The following OR4K2 variants were observed in gnomAD, a reference collection of about 807,000 sequenced individuals.
The protein encoded by OR4K2 is olfactory receptor 4K2.
OR4K2 carries 8 observed loss-of-function variants against 10.5 expected under a neutral mutation model. That is an observed-to-expected ratio of 0.76 (90% CI 0.45 to 1.37). OR4K2 has a LOEUF of 1.37. Ranked by LOEUF, OR4K2 falls within the 40% of genes most tolerant of loss-of-function variation. OR4K2 has a pLI of 0.00. For synonymous variants in OR4K2, 178 were observed against 133.6 expected (o/e 1.33, Z -2.29); for missense variants, 547 against 379.5 (o/e 1.44, Z -3.67).
rs1881003183 is a variant in OR4K2 at position 19,880,161 on chromosome 14, TTTG to T, written c.*2950_*2952del. ...CAATGTGGCCCAGAGAAGCCAAAAC[TTTG>T]GACACCCCTGCATTAAAAGGCTCTG... On this transcript the variant is annotated 3_prime_UTR_variant, in exon 2 of 2. Transcript: ENST00000641885. The T allele has an allele frequency of 6.5e-6, 1 of 153,060 alleles. No homozygotes were observed. 9.5% of individuals were successfully genotyped at this position (153,060 alleles called of 1,614,324 possible). A position where few individuals can be genotyped will look rare whatever the true frequency, so the allele number is the denominator to read the frequency against.
rs1488588422 is a variant in OR4K2 at position 19,883,560 on chromosome 14, C to T, written c.*6348C>T. 1 of 152,208 alleles carries T rather than the reference C, an allele frequency of 6.6e-6. No homozygotes were observed. Among genetic ancestry groups the T allele is most frequent in the Admixed American group, 6.5e-5 (1 of 15,274 alleles). The allele number at this position is 152,208 out of a possible 1,614,324, so 9.4% of individuals were successfully genotyped here. On this transcript the variant is annotated 3_prime_UTR_variant, in exon 2 of 2. Coordinates refer to ENST00000641885, the MANE Select transcript of OR4K2 (RefSeq NM_001005501.2). ...ATACCATATAATTAGAAGTTTGGAA[C>T]TGATCTTTTAATTTTTGGAGGGAGG...
In OR4K2 at chr14:19,875,332, T is replaced by G. The variant is rs1880866291; in HGVS notation, c.-826T>G. ...ACAAATGAGTTCTACTGAAATATTT[T>G]AAATGTTTGCCCTTCCCACTCCCAT... On this transcript the variant is annotated 5_prime_UTR_variant, in exon 1 of 2. It removes the in-frame stop codon of an upstream open reading frame in the 5' UTR. Coordinates refer to ENST00000641885, the MANE Select transcript of OR4K2 (RefSeq NM_001005501.2). The G allele has an allele frequency of 6.6e-6, 1 of 152,308 alleles. No homozygotes were observed. The highest frequency in any genetic ancestry group is 2.1e-4 in the South Asian group (1 of 4,836). The allele number at this position is 152,308 out of a possible 1,614,324, so 9.4% of individuals were successfully genotyped here.
chr14:19,876,213 C>CATTTT, intron 1 of OR4K2, 32 bp from the exon 2 acceptor site: 1 of 1,005,002 alleles, frequency 1.0e-6, no homozygotes, highest in Non-Finnish European at 1.4e-6. Flanking sequence ...ATCTGACTTT[C>CATTTT]CTTTTTTTTT....
chr14:19,883,507 G>A lies in OR4K2; in HGVS notation c.*6295G>A, dbSNP rs1002386860. ...AAGCACTTTGTCTGGAGTCTGCAAA[G>A]CCTGTATTTTTCTTCACTCACCCTA... On this transcript the variant is annotated 3_prime_UTR_variant, in exon 2 of 2. Coordinates refer to ENST00000641885, the MANE Select transcript of OR4K2 (RefSeq NM_001005501.2). 9.2e-5 allele frequency: 14 copies of A among 152,212 alleles called. No homozygotes were observed. Among genetic ancestry groups the A allele is most frequent in the African/African-American group, 3.1e-4 (13 of 41,450 alleles). The allele number at this position is 152,212 out of a possible 1,614,324, so 9.4% of individuals were successfully genotyped here.
rs1284401775 is a variant in OR4K2, at chr14:19,875,676, T to C, written c.-482T>C. 1 of 152,438 alleles carries C rather than the reference T, an allele frequency of 6.6e-6. No individual in the cohort carries two copies. Among genetic ancestry groups the C allele is most frequent in the Non-Finnish European group, 1.5e-5 (1 of 68,196 alleles). 9.4% of individuals were successfully genotyped at this position (152,438 alleles called of 1,614,324 possible). ...CAGCAAAACTAACTTTCTATGTATT[T>C]CTTTTGAGTTTCAAACAGGAAACTT... is the stretch of plus-strand genomic sequence containing the variant. On this transcript the variant is annotated 5_prime_UTR_variant, in exon 1 of 2. Coordinates refer to ENST00000641885, the MANE Select transcript of OR4K2 (RefSeq NM_001005501.2).
rs536265419 is a variant in OR4K2 at position 19,882,064 on chromosome 14, G to C, written c.*4852G>C. On this transcript the variant is annotated 3_prime_UTR_variant, in exon 2 of 2. Transcript: ENST00000641885. ...CTGCAACTGGAGCTATTGTGTTCCAGAGCACATTACCCCAGTAATGTGATG... is the reference window on the plus strand; with the variant it reads ...CTGCAACTGGAGCTATTGTGTTCCACAGCACATTACCCCAGTAATGTGATG... 6.6e-6 allele frequency: 1 copy of C among 152,388 alleles called. No individual in the cohort carries two copies. Among genetic ancestry groups the C allele is most frequent in the East Asian group, 1.9e-4 (1 of 5,180 alleles). The allele number at this position is 152,388 out of a possible 1,614,324, so 9.4% of individuals were successfully genotyped here. A position where few individuals can be genotyped will look rare whatever the true frequency, so the allele number is the denominator to read the frequency against.
At position 19,878,947 on chromosome 14, in the gene OR4K2, A is replaced by G. The variant is rs1340216272; in HGVS notation, c.*1735A>G. The stretch of plus-strand genomic sequence containing the variant: ...TGACATATTTCTTTGTCCAGGGAAT[A>G]TTTTCAAAACTGTGCTGCTTTTTGC... On this transcript the variant is annotated 3_prime_UTR_variant, in exon 2 of 2. Coordinates refer to ENST00000641885, the MANE Select transcript of OR4K2 (RefSeq NM_001005501.2). 1.3e-5 allele frequency: 2 copies of G among 152,236 alleles called. No homozygotes were observed. Among genetic ancestry groups the G allele is most frequent in the East Asian group, 1.9e-4 (1 of 5,206 alleles). 9.4% of individuals were successfully genotyped at this position (152,236 alleles called of 1,614,324 possible).
In OR4K2 at chr14:19,876,735, A is replaced by G; in HGVS notation, c.468A>G (p.Ser156=). 1 of 1,614,144 alleles carries G rather than the reference A, an allele frequency of 6.2e-7. No homozygotes were observed. The highest frequency in any genetic ancestry group is 8.5e-7 in the Non-Finnish European group (1 of 1,179,992). Residue 156 remains serine (S), a synonymous_variant, in exon 2 of 2, where the codon TCA becomes TCG. Transcript: ENST00000641885. ...CCTGGATTATGGGAGTTATGCATTCAATGAGTCAGGTCATATTTGCCCTCA... is the reference window on the plus strand; with the variant it reads ...CCTGGATTATGGGAGTTATGCATTCGATGAGTCAGGTCATATTTGCCCTCA... ...VASWIMGVMH[S]MSQVIFALTL... is the part of the protein sequence containing the mutation.
chr14:19,876,809 T>G lies in OR4K2; in HGVS notation c.542T>G (p.Leu181Arg). ...GAGGTAGACAGCTTTTTCTGTGACC[T>G]TCCTGTGGTGTTCCAGTTGGCTTGT... is the stretch of plus-strand genomic sequence containing the variant. ...PYEVDSFFCD[L>R]PVVFQLACVD... is the part of the protein sequence containing the mutation. The change falls in exon 2 of 2, where the codon CTT becomes CGT. Residue 181 changes from leucine (L) to arginine (R), a missense_variant. Physicochemically the swap from Leu to Arg is moderately radical, Grantham distance 102. Transcript: ENST00000641885. 6.2e-7 allele frequency: 1 copy of G among 1,614,254 alleles called. No individual in the cohort carries two copies. Among genetic ancestry groups the G allele is most frequent in the South Asian group, 1.1e-5 (1 of 91,090 alleles).
At position 19,879,571 on chromosome 14, in the gene OR4K2, G is replaced by C. The variant is rs539573395; in HGVS notation, c.*2359G>C. ...ATTTATAAGAAGAGTGTGTTGACAAGCAACTTCATCTTCCTCTACGTGTTT... is the reference window on the plus strand; with the variant it reads ...ATTTATAAGAAGAGTGTGTTGACAACCAACTTCATCTTCCTCTACGTGTTT... On this transcript the variant is annotated 3_prime_UTR_variant, in exon 2 of 2. Coordinates refer to ENST00000641885, the MANE Select transcript of OR4K2 (RefSeq NM_001005501.2). 5.3e-5 allele frequency: 8 copies of C among 152,378 alleles called. No homozygotes were observed. The South Asian group carries it at 6.2e-4, about 12-fold the overall frequency. 9.4% of individuals were successfully genotyped at this position (152,378 alleles called of 1,614,324 possible). A position where few individuals can be genotyped will look rare whatever the true frequency, so the allele number is the denominator to read the frequency against.
rs573717735 is a variant in OR4K2 at position 19,878,172 on chromosome 14, T to C, written c.*960T>C. ...ACACAAATAGGTTTTATTACTGTTA[T>C]AAATAAATCTGGTAGGTTCAATATT... On this transcript the variant is annotated 3_prime_UTR_variant, in exon 2 of 2. Transcript: ENST00000641885. The C allele has an allele frequency of 2.0e-5, 3 of 152,248 alleles. No individual in the cohort carries two copies. The highest frequency in any genetic ancestry group is 1.9e-4 in the East Asian group (1 of 5,206). 9.4% of individuals were successfully genotyped at this position (152,248 alleles called of 1,614,324 possible).
Position 19,876,357 on chromosome 14 carries a change from G to T in OR4K2, c.90G>T (p.Val30=), listed in dbSNP as rs762201675. ...AACTACAGATGTTTTTCTTTATGGTGTTTTCATTGCTTTATGTGGCAACAA... is the reference window on the plus strand; with the variant it reads ...AACTACAGATGTTTTTCTTTATGGTTTTTTCATTGCTTTATGTGGCAACAA... ...SWELQMFFFM[V]FSLLYVATMV... Residue 30 remains valine, a synonymous_variant, in exon 2 of 2, where the codon GTG becomes GTT. Transcript: ENST00000641885. 6.2e-7 allele frequency: 1 copy of T among 1,613,698 alleles called. No homozygotes were observed. The highest frequency in any genetic ancestry group is 8.5e-7 in the Non-Finnish European group (1 of 1,179,858).
chr14:19,876,550 G>C lies in OR4K2; in HGVS notation c.283G>C (p.Asp95His), dbSNP rs757789974. The change falls in exon 2 of 2, where the codon GAT becomes CAT. Residue 95 changes from aspartate (D) to histidine (H), a missense_variant. Asp to His is a moderately conservative substitution (Grantham distance 81). Transcript: ENST00000641885. ...AACAGGTCACAAAACCATCTCTTTT[G>C]ATGGCTGCCTTACCCAGATATTCTT... Reference protein sequence around the residue: ...YLTGHKTISFDGCLTQIFFLH... With the variant: ...YLTGHKTISFHGCLTQIFFLH... The C allele has an allele frequency of 5.0e-6, 8 of 1,614,046 alleles. No individual in the cohort carries two copies. The African/African-American group carries it at 9.3e-5, about 19-fold the overall frequency.
In OR4K2 at chr14:19,876,958, A is replaced by G; in HGVS notation, c.691A>G (p.Arg231Gly). ...VLVTVKHHSS[R>G]GSSKALSTCT... Reference sequence around the variant, plus strand: ...GGTTACTGTGAAGCATCATTCTTCCAGAGGATCATCTAAGGCCCTTTCTAC... The same window carrying G: ...GGTTACTGTGAAGCATCATTCTTCCGGAGGATCATCTAAGGCCCTTTCTAC... The change falls in exon 2 of 2, where the codon AGA (arginine) becomes GGA (glycine). Residue 231 changes from arginine to glycine, a missense_variant. Arg to Gly is a moderately radical substitution (Grantham distance 125). Transcript: ENST00000641885. 6 of 1,614,074 alleles carry G rather than the reference A, an allele frequency of 3.7e-6. No individual in the cohort carries two copies. The highest frequency in any genetic ancestry group is 5.1e-6 in the Non-Finnish European group (6 of 1,179,986).
At position 19,875,577 on chromosome 14, in the gene OR4K2, A is replaced by C. The variant is rs1736871997; in HGVS notation, c.-581A>C. On this transcript the variant is annotated 5_prime_UTR_variant, in exon 1 of 2. Transcript: ENST00000641885. ...GTCATATTTTAATTAAAAAGAAAGG[A>C]CCAAAAGAAGTTAAATGCCTTTCCT... The C allele has an allele frequency of 2.0e-5, 3 of 152,264 alleles. No homozygotes were observed. The allele number at this position is 152,264 out of a possible 1,614,324, so 9.4% of individuals were successfully genotyped here.
rs1215979404 is a variant in OR4K2, at chr14:19,875,619, A to G, written c.-539A>G. On this transcript the variant is annotated 5_prime_UTR_variant, in exon 1 of 2. Transcript: ENST00000641885. ...GCCTTTCCTTTGTCTGTATGACTGT[A>G]TTGTAATAAATTAGTCTCTCTGGAT... 2 of 152,334 alleles carry G rather than the reference A, an allele frequency of 1.3e-5. No individual in the cohort carries two copies. The highest frequency in any genetic ancestry group is 1.9e-4 in the East Asian group (1 of 5,210). 9.4% of individuals were successfully genotyped at this position (152,334 alleles called of 1,614,324 possible).
Position 19,876,327 on chromosome 14 carries a change from C to A in OR4K2, c.60C>A (p.Ser20=). Residue 20 remains serine, a synonymous_variant, in exon 2 of 2, where the codon TCC becomes TCA. Coordinates refer to ENST00000641885, the MANE Select transcript of OR4K2 (RefSeq NM_001005501.2). ...SEFVLLGLSN[S]WELQMFFFMV... ...TTGTTTTGCTGGGGCTCTCTAATTC[C>A]TGGGAACTACAGATGTTTTTCTTTA... 2 of 1,612,160 alleles carry A rather than the reference C, an allele frequency of 1.2e-6. No individual in the cohort carries two copies. The highest frequency in any genetic ancestry group is 1.7e-6 in the Non-Finnish European group (2 of 1,179,340).
At position 19,875,516 on chromosome 14, in the gene OR4K2, T is replaced by A. The variant is rs541278824; in HGVS notation, c.-642T>A. On this transcript the variant is annotated 5_prime_UTR_variant, in exon 1 of 2. It removes the in-frame stop codon of an upstream open reading frame in the 5' UTR. Transcript: ENST00000641885. The stretch of plus-strand genomic sequence containing the variant: ...ATATATCCTTTGTGATATAAAATTT[T>A]AAATCATAGAATTATAAATATTTAT... 120 of 152,364 alleles carry A rather than the reference T, an allele frequency of 7.9e-4. 1 individual carries two copies. The highest frequency in any genetic ancestry group is 2.7e-3 in the African/African-American group (114 of 41,594). 9.4% of individuals were successfully genotyped at this position (152,364 alleles called of 1,614,324 possible). A position where few individuals can be genotyped will look rare whatever the true frequency, so the allele number is the denominator to read the frequency against.
rs369726984 is a variant in OR4K2 at position 19,882,829 on chromosome 14, CTTT to C, written c.*5631_*5633del. 3 of 123,412 alleles carry C rather than the reference CTTT, an allele frequency of 2.4e-5. No individual in the cohort carries two copies. Among genetic ancestry groups the C allele is most frequent in the Non-Finnish European group, 3.3e-5 (2 of 60,938 alleles). 7.6% of individuals were successfully genotyped at this position (123,412 alleles called of 1,614,324 possible). ...TTATCTTTCTTTTTCTTTTTTTTTT[CTTT>C]TTTTTTTTTTTTTGAGACGGAGTCT... is the stretch of plus-strand genomic sequence containing the variant. On this transcript the variant is annotated 3_prime_UTR_variant, in exon 2 of 2. Transcript: ENST00000641885.
Sources: allele counts gnomAD v4.1 joint callset, GRCh38; gene constraint gnomAD v4.1.1; transcripts MANE v1.5; gene names NCBI Gene and HGNC (gene_info 2026-07-23, HGNC 2026-07-21).